The following RFX7 variants were observed in gnomAD, a reference collection of about 807,000 sequenced individuals.
RFX7 encodes the protein DNA-binding protein RFX7.
A neutral mutation model predicts 111.8 loss-of-function variants in RFX7; 26 were observed. The observed-to-expected ratio is 0.23, with a 90% CI of 0.17 to 0.32. The LOEUF (loss-of-function observed/expected upper bound fraction) is 0.32. Among genes scored for constraint, RFX7 ranks in the 10% least tolerant of loss-of-function variants. The pLI is 1.00. For synonymous variants in RFX7, 624 were observed against 624.4 expected, an observed-to-expected ratio of 1.00 and a Z score of 0.01; for missense variants, 1,573 against 1,772.9, an observed-to-expected ratio of 0.89 and a Z score of 2.02.
At chr15:56,137,530 G>C (rs78634107) in intron 5 of RFX7, among the ~76,000 whole-genome samples, 1 of 151,722 alleles carries the variant, frequency 6.6e-6, no homozygotes, top group Non-Finnish European at 1.5e-5. Context: ...TCTTGCTAGC[G>C]GTCTATCAAT....
At chr15:56,171,970 C>T (rs574901256) in intron 3 of RFX7, among the ~76,000 whole-genome samples, 1 of 152,146 alleles carries the variant, frequency 6.6e-6, no homozygotes, top group Non-Finnish European at 1.5e-5. Flanking sequence ...AAATGCAAAG[C>T]AACAGACACC....
chr15:56,230,256 C>G (rs1010986895), intron 2 of RFX7, among the ~76,000 whole-genome samples: 47 of 152,172 alleles, frequency 3.1e-4, no homozygotes, highest in African/African-American at 1.0e-3. Flanking sequence ...GGTTGCTGAA[C>G]CATGTGGTAG....
At chr15:56,226,492 G>C (rs1451687897) in intron 2 of RFX7, among the ~76,000 whole-genome samples, 2 of 152,072 alleles carry the variant, frequency 1.3e-5, no homozygotes, top group African/African-American at 4.8e-5. Context: ...GGGGAAATTA[G>C]TTCAGGGAAA....
chr15:56,223,686 G>A (rs1354151369), intron 2 of RFX7, among the ~76,000 whole-genome samples: 2 of 152,016 alleles, frequency 1.3e-5, no homozygotes, highest in Non-Finnish European at 2.9e-5. Flanking sequence ...AAAAAACCAA[G>A]CCCTACAAAG....
intron 5 of RFX7, among the ~76,000 whole-genome samples, chr15:56,119,332 G>A (rs1298414999): frequency 2.0e-5 from 3 of 152,308 alleles, no homozygotes; most frequent in South Asian, 2.1e-4. Flanking sequence ...TTAGATTTAA[G>A]TCTTCAATCC....
At chr15:56,150,457 G>A (rs1459864989) in intron 3 of RFX7, among the ~76,000 whole-genome samples, 1 of 152,158 alleles carries the variant, frequency 6.6e-6, no homozygotes, top group African/African-American at 2.4e-5. Flanking sequence ...AGCTTCCAGA[G>A]GAAACAACAG....
In RFX7 at chr15:56,185,228, T is replaced by G. The variant is rs1279393488; in HGVS notation, c.162-5925A>C. Reference sequence around the variant, plus strand: ...TTTGATGTCCATGTATATGTATGTATTTTATTTTTAAACTATCTACTACTC... The same window carrying G: ...TTTGATGTCCATGTATATGTATGTAGTTTATTTTTAAACTATCTACTACTC... On this transcript the variant is annotated intron_variant, in intron 2 of 9. Coordinates refer to ENST00000559447, the MANE Select transcript of RFX7 (RefSeq NM_022841.7). Among the ~76,000 whole-genome samples the G allele has an allele frequency of 2.0e-5, 3 of 152,182 alleles. No homozygotes were observed. The East Asian group carries it at 5.8e-4, about 29-fold the overall frequency.
chr15:56,098,045 A>G (rs773966576), intron 9 of RFX7, 36 bp downstream of exon 9: 2 of 1,586,900 alleles, frequency 1.3e-6, no homozygotes, highest in South Asian at 1.1e-5. Flanking sequence ...ATTTCCCACC[A>G]TCCCAATAAG....
At chr15:56,140,059 C>A (rs1239624365) in intron 5 of RFX7, among the ~76,000 whole-genome samples, 4 of 152,086 alleles carry the variant, frequency 2.6e-5, no homozygotes, top group Admixed American at 6.5e-5. Context: ...GAGGTTACTG[C>A]TGTCTTTTTG....
chr15:56,235,971 GTCACTTTCTGATCTT>G (rs1331743155), intron 2 of RFX7, among the ~76,000 whole-genome samples: 2 of 152,246 alleles, frequency 1.3e-5, no homozygotes, highest in Non-Finnish European at 2.9e-5. Flanking sequence ...ATTGGAATCT[GTCACTTTCTGATCTT>G]TCACTTTCTG....
chr15:56,221,660 A>C (rs2043428056), intron 2 of RFX7, among the ~76,000 whole-genome samples: 1 of 151,888 alleles, frequency 6.6e-6, no homozygotes, highest in Admixed American at 6.6e-5. Context: ...ATTTTTTAGT[A>C]TTCCATTTTA....
At chr15:56,159,445 TTA>T (rs2042695263) in intron 3 of RFX7, among the ~76,000 whole-genome samples, 4 of 152,198 alleles carry the variant, frequency 2.6e-5, no homozygotes, top group Admixed American at 2.6e-4. Context: ...TCATTGAAGA[TTA>T]TGTTACACAA....
At chr15:56,243,001 G>C in intron 2 of RFX7, 124 bp downstream of exon 2, 1 of 716,606 alleles carries the variant, frequency 1.4e-6, no homozygotes. Flanking sequence ...ACCCGACTGG[G>C]GAAAGCCACA....
chr15:56,103,437 G>A, intron 6 of RFX7, 117 bp downstream of exon 6: 1 of 621,802 alleles, frequency 1.6e-6, no homozygotes, highest in Non-Finnish European at 2.8e-6. Flanking sequence ...AAGCTTTTGA[G>A]TTGCTTTAAT....
At chr15:56,112,743 T>G (rs1291014705) in intron 5 of RFX7, among the ~76,000 whole-genome samples, 1 of 152,152 alleles carries the variant, frequency 6.6e-6, no homozygotes, top group African/African-American at 2.4e-5. Context: ...GAGAAAATTT[T>G]TGCAATTTAC....
At chr15:56,192,608 C>T (rs1232300172) in intron 2 of RFX7, 1 of 173,836 alleles carries the variant, frequency 5.8e-6, no homozygotes, top group East Asian at 1.5e-4. Flanking sequence ...TGACTGCTTC[C>T]ATGAGGTGTT....
intron 5 of RFX7, 49 bp from the exon 6 acceptor site, chr15:56,103,719 AT>A (rs1214254779): frequency 1.8e-6 from 2 of 1,100,380 alleles, no homozygotes; most frequent in African/African-American, 3.1e-5. Flanking sequence ...TCAGAATTAT[AT>A]CGCAGGGTGC....
At chr15:56,102,308 C>A in intron 6 of RFX7, 55 bp from the exon 7 acceptor site, 1 of 1,046,768 alleles carries the variant, frequency 9.6e-7, no homozygotes, top group Non-Finnish European at 1.4e-6. Context: ...CTTATACAGA[C>A]AGCACTTTAA....
At chr15:56,107,545 TGTGGTAAAATATA>T (rs1283412605) in intron 5 of RFX7, among the ~76,000 whole-genome samples, 9 of 152,104 alleles carry the variant, frequency 5.9e-5, no homozygotes, top group Admixed American at 5.9e-4. Flanking sequence ...ACAAAAGACT[TGTGGTAAAATATA>T]GTCATGGGAT....
Sources: gnomAD v4.1 joint callset for allele counts (sites outside exome capture counted in the v4.1 genomes callset) on GRCh38, gnomAD v4.1.1 for gene constraint, MANE v1.5 for transcripts, NCBI Gene and HGNC (gene_info 2026-07-23, HGNC 2026-07-21) for gene names.